Variants in RAB11FIP3 observed in about 807,000 individuals in gnomAD.
RAB11FIP3 encodes rab11 family-interacting protein 3.
In RAB11FIP3, 17 loss-of-function variants were observed where a neutral mutation model predicts 77.8. The ratio of observed to expected loss-of-function variants is 0.22; its 90% confidence interval spans 0.15 to 0.33. The LOEUF (loss-of-function observed/expected upper bound fraction) is 0.33. RAB11FIP3 is among the 10% of genes least tolerant of loss of function. The pLI is 1.00. For synonymous variants in RAB11FIP3, 437 were observed against 448.2 expected (o/e 0.98, Z 0.31); for missense variants, 1,005 against 1,011.2 (o/e 0.99, Z 0.08).
Position 426,479 on chromosome 16 carries a change from T to G in RAB11FIP3, c.473T>G (p.Val158Gly). 1 of 1,578,156 alleles carries G rather than the reference T, an allele frequency of 6.3e-7. No homozygotes were observed. Among genetic ancestry groups the G allele is most frequent in the South Asian group, 1.2e-5 (1 of 86,792 alleles). Residue 158 changes from valine to glycine, a missense_variant, in exon 1 of 14, where the codon GTC (valine) becomes GGC (glycine). This residue lies in a region of RAB11FIP3 where 466 missense variants were observed against 408.3 expected (regional missense o/e 1.14). Transcript: ENST00000262305. The surrounding 1 kb of genome is among the most constrained non-coding windows in gnomAD (Gnocchi z 5.0). The part of the protein sequence containing the change: ...SSSSHRARGE[V>G]DVFSPFPAPT... Reference sequence around the variant, plus strand: ...AGCAGCCACCGAGCGCGGGGCGAGGTCGACGTCTTCTCTCCCTTCCCCGCG... The same window carrying G: ...AGCAGCCACCGAGCGCGGGGCGAGGGCGACGTCTTCTCTCCCTTCCCCGCG...
chr16:474,925 C>G, intron 3 of RAB11FIP3: 1 of 1,543,216 alleles, frequency 6.5e-7, no homozygotes. Flanking sequence ...ACAGGCTTTG[C>G]AGAAACCCCA....
chr16:513,856 G>A (rs2032291599), intron 9 of RAB11FIP3, among the ~76,000 whole-genome samples: 1 of 152,358 alleles, frequency 6.6e-6, no homozygotes, highest in East Asian at 1.9e-4. Flanking sequence ...GGGGAGCAAG[G>A]TCAGGGCAGC....
rs2054946456 is a variant in RAB11FIP3 at position 426,513 on chromosome 16, G to A, written c.507G>A (p.Ala169=). 5 of 1,558,834 alleles carry A rather than the reference G, an allele frequency of 3.2e-6. No individual in the cohort carries two copies. The highest frequency in any genetic ancestry group is 1.2e-5 in the South Asian group (1 of 85,280). Residue 169 remains alanine, a synonymous_variant, in exon 1 of 14, where the codon GCG becomes GCA. Coordinates refer to ENST00000262305, the MANE Select transcript of RAB11FIP3 (RefSeq NM_014700.4). This position sits in a 1 kb window ranked among gnomAD's most constrained non-coding sequence, Gnocchi z 5.0. The stretch of plus-strand genomic sequence containing the variant: ...TCTCTCCCTTCCCCGCGCCCACGGC[G>A]GGCGAGCTGGCGCTGGAGCAAGGTC... The part of the protein sequence containing the change: ...DVFSPFPAPT[A]GELALEQGPG...
intron 4 of RAB11FIP3, among the ~76,000 whole-genome samples, 182 bp downstream of exon 4, chr16:482,918 G>A (rs1052794672): frequency 1.1e-4 from 16 of 152,222 alleles, no homozygotes; most frequent in African/African-American, 2.9e-4. Flanking sequence ...CGTCCTGCCC[G>A]CCTTGCCCGA....
intron 1 of RAB11FIP3, among the ~76,000 whole-genome samples, chr16:433,910 C>T (rs748342690): frequency 1.5e-4 from 23 of 151,658 alleles, no homozygotes; most frequent in Non-Finnish European, 2.1e-4. Flanking sequence ...TTTCTTTATC[C>T]ATTCAACTGT....
At chr16:497,976 A>C (rs956916465) in intron 6 of RAB11FIP3, among the ~76,000 whole-genome samples, 2 of 151,708 alleles carry the variant, frequency 1.3e-5, no homozygotes, top group African/African-American at 2.4e-5. Context: ...AAAATTAAAA[A>C]AAAAAAAGGA....
chr16:425,753 C>T lies in RAB11FIP3; in HGVS notation c.-254C>T, dbSNP rs1443246330. ...GCCCCCGTCCCCCGCCATCCGCCGC[C>T]CGGATCCTCGCCGCCCTCCCTAGGC... On this transcript the variant is annotated 5_prime_UTR_variant, in exon 1 of 14. Transcript: ENST00000262305. 1 of 337,722 alleles carries T rather than the reference C, an allele frequency of 3.0e-6. No individual in the cohort carries two copies. Among genetic ancestry groups the T allele is most frequent in the Non-Finnish European group, 5.3e-6 (1 of 186,918 alleles). The allele number at this position is 337,722 out of a possible 1,614,324, so 20.9% of individuals were successfully genotyped here.
At chr16:459,087 G>T (rs115336478) in intron 1 of RAB11FIP3, among the ~76,000 whole-genome samples, 2,853 of 149,818 alleles carry the variant, frequency 0.019, 99 homozygotes, top group African/African-American at 0.065. Context: ...AAAATGAACA[G>T]TTCCTTAATA....
intron 1 of RAB11FIP3, among the ~76,000 whole-genome samples, chr16:432,156 G>T (rs1041870125): frequency 6.6e-6 from 1 of 152,180 alleles, no homozygotes; most frequent in Non-Finnish European, 1.5e-5. Flanking sequence ...GCCAAGGCGG[G>T]TGGATCATCT....
At position 425,696 on chromosome 16, in the gene RAB11FIP3, G is replaced by A; in HGVS notation, c.-311G>A. The A allele has an allele frequency of 3.6e-6, 1 of 274,870 alleles. No homozygotes were observed. Among genetic ancestry groups the A allele is most frequent in the East Asian group, 5.8e-5 (1 of 17,134 alleles). 17.0% of individuals were successfully genotyped at this position (274,870 alleles called of 1,614,324 possible). A position where few individuals can be genotyped will look rare whatever the true frequency, so the allele number is the denominator to read the frequency against. On this transcript the variant is annotated 5_prime_UTR_variant, in exon 1 of 14. Coordinates refer to ENST00000262305, the MANE Select transcript of RAB11FIP3 (RefSeq NM_014700.4). ...TGCTTCACAGGCTCCGCGGCCTCCG[G>A]CCTCCTCGGCCCCCGTCCCCCGGCC...
chr16:440,109 C>T (rs1249197233), intron 1 of RAB11FIP3, among the ~76,000 whole-genome samples: 1 of 152,084 alleles, frequency 6.6e-6, no homozygotes, highest in Non-Finnish European at 1.5e-5. Context: ...TCCCAAAGTG[C>T]TGGGATTACA....
intron 1 of RAB11FIP3, among the ~76,000 whole-genome samples, chr16:460,842 C>G (rs1350424323): frequency 2.0e-5 from 3 of 150,616 alleles, no homozygotes; most frequent in African/African-American, 7.5e-5. Context: ...ACGCCAGGTG[C>G]TGCTGGCAGC....
rs2054951540 is a variant in RAB11FIP3 at position 426,687 on chromosome 16, C to A, written c.681C>A (p.Phe227Leu). ...ACGGTTTCGTCCGCATCGAGGACTT[C>A]ATCCAGTTTGCTACGGTCTACGGGG... ...DGDGFVRIED[F>L]IQFATVYGAE... is the part of the protein sequence containing the mutation. The change falls in exon 1 of 14, where the codon TTC (phenylalanine) becomes TTA (leucine). Residue 227 changes from phenylalanine (F) to leucine (L), a missense_variant. Around this residue, in one of 4 missense-constraint regions of RAB11FIP3, gnomAD observed 466 missense variants for 408.3 expected, o/e 1.14. Transcript: ENST00000262305. This position sits in a 1 kb window ranked among gnomAD's most constrained non-coding sequence, Gnocchi z 5.0. The A allele has an allele frequency of 3.3e-6, 5 of 1,534,042 alleles. No individual in the cohort carries two copies. Among genetic ancestry groups the A allele is most frequent in the African/African-American group, 1.4e-5 (1 of 71,446 alleles).
At chr16:456,416 A>T (rs1448693647) in intron 1 of RAB11FIP3, among the ~76,000 whole-genome samples, 6 of 149,880 alleles carry the variant, frequency 4.0e-5, no homozygotes, top group Non-Finnish European at 5.9e-5. Flanking sequence ...CCCTAGCCTG[A>T]GTGACAGAGT....
rs949456549 is a variant in RAB11FIP3 at position 521,736 on chromosome 16, C to A, written c.*897C>A. 6 of 152,306 alleles carry A rather than the reference C, an allele frequency of 3.9e-5. No individual in the cohort carries two copies. The highest frequency in any genetic ancestry group is 7.3e-5 in the Non-Finnish European group (5 of 68,088). 9.4% of individuals were successfully genotyped at this position (152,306 alleles called of 1,614,324 possible). ...CCACAGGTGCGGCCTGGCCCGGCCT[C>A]CTAAAGGCCACACCCTCCCCACGCA... On this transcript the variant is annotated 3_prime_UTR_variant, in exon 14 of 14. Coordinates refer to ENST00000262305, the MANE Select transcript of RAB11FIP3 (RefSeq NM_014700.4).
chr16:504,134 T>A (rs1301977041), intron 7 of RAB11FIP3, among the ~76,000 whole-genome samples: 1 of 40,760 alleles, frequency 2.5e-5, no homozygotes, highest in Non-Finnish European at 4.3e-5. Context: ...CCCCCCCACC[T>A]CCTCCTGTAC....
At chr16:449,263 A>C (rs1210885152) in intron 1 of RAB11FIP3, among the ~76,000 whole-genome samples, 1 of 152,174 alleles carries the variant, frequency 6.6e-6, no homozygotes, top group Non-Finnish European at 1.5e-5. Context: ...AGTGTCTCAC[A>C]GCGCTGTCAC....
At chr16:518,866 C>T (rs894005539) in intron 9 of RAB11FIP3, 77 bp from the exon 10 acceptor site, 3 of 1,510,776 alleles carry the variant, frequency 2.0e-6, no homozygotes, top group South Asian at 2.3e-5. Context: ...AGCAGGGTTT[C>T]CCTGAGACAC....
chr16:476,105 C>T (rs934187757), intron 3 of RAB11FIP3, among the ~76,000 whole-genome samples: 2 of 152,226 alleles, frequency 1.3e-5, no homozygotes, highest in African/African-American at 2.4e-5. Context: ...ATTCACCCAC[C>T]TTGGCCTCCC....
Sources: allele counts gnomAD v4.1 joint callset (sites outside exome capture counted in the v4.1 genomes callset), GRCh38; gene constraint gnomAD v4.1.1; regional missense constraint gnomAD v4.1.1; non-coding constraint Gnocchi (gnomAD v3.1); transcripts MANE v1.5; gene names NCBI Gene and HGNC (gene_info 2026-07-23, HGNC 2026-07-21).